Variants in CAPRIN1 observed in about 807,000 individuals in gnomAD.
CAPRIN1 encodes cell cycle associated protein 1.
CAPRIN1 carries 29 observed loss-of-function variants against 100.9 expected under a neutral mutation model. That is an observed-to-expected ratio of 0.29 (90% confidence interval 0.21 to 0.39). The LOEUF is 0.39. CAPRIN1 is among the 10% of genes least tolerant of loss of function. The pLI is 1.00. For missense variants in CAPRIN1, 795 were observed against 876.7 expected, an observed-to-expected ratio of 0.91 and a Z score of 1.18; for synonymous variants, 338 against 307.5, an observed-to-expected ratio of 1.10 and a Z score of -1.04.
chr11:34,082,741 G>T, intron 7 of CAPRIN1, 84 bp from the exon 8 acceptor site: 1 of 907,930 alleles, frequency 1.1e-6, no homozygotes, highest in Non-Finnish European at 1.8e-6. Context: ...GCATAATGAC[G>T]TGTATCTACC....
intron 4 of CAPRIN1, among the ~76,000 whole-genome samples, chr11:34,073,850 A>G (rs1405197698): frequency 6.6e-6 from 1 of 152,220 alleles, no homozygotes; most frequent in Non-Finnish European, 1.5e-5. Flanking sequence ...CTATAATGGA[A>G]TGCCTGAGAC....
chr11:34,085,574 C>T (rs1231838016), intron 9 of CAPRIN1, among the ~76,000 whole-genome samples: 3 of 152,122 alleles, frequency 2.0e-5, no homozygotes, highest in South Asian at 2.1e-4. Context: ...GATGCCAAGG[C>T]GGGTGGGTCA....
intron 14 of CAPRIN1, chr11:34,091,617 T>C (rs1851266685): frequency 4.8e-6 from 1 of 206,518 alleles, no homozygotes; most frequent in East Asian, 1.2e-4. Context: ...ATTTCTCATA[T>C]ATGTAAAAGC....
chr11:34,091,833 A>G lies in CAPRIN1; in HGVS notation c.1555-73A>G, dbSNP rs1030983161. On this transcript the variant is annotated intron_variant, in intron 14 of 18. Coordinates refer to ENST00000341394, the MANE Select transcript of CAPRIN1 (RefSeq NM_005898.5). Reference sequence around the variant, plus strand: ...CTTTATTTATGTCTGAGGTAAAACCACCATTGAGTTTGGCCATGTTATAAA... The same window carrying G: ...CTTTATTTATGTCTGAGGTAAAACCGCCATTGAGTTTGGCCATGTTATAAA... 5.1e-6 allele frequency: 7 copies of G among 1,375,270 alleles called. No homozygotes were observed. In the African/African-American group the frequency reaches 8.7e-5, roughly 17 times the overall value. 85.2% of individuals were successfully genotyped at this position (1,375,270 alleles called of 1,614,324 possible).
intron 2 of CAPRIN1, chr11:34,063,193 T>C (rs998678134): frequency 2.0e-5 from 3 of 152,172 alleles, no homozygotes; most frequent in Non-Finnish European, 2.9e-5. Context: ...ATGGAAGATC[T>C]AGATGTATTG....
At chr11:34,083,188 A>T in intron 9 of CAPRIN1, 147 bp downstream of exon 9, 1 of 625,384 alleles carries the variant, frequency 1.6e-6, no homozygotes, top group Middle Eastern at 2.9e-4. Flanking sequence ...TTACTTCCAA[A>T]AAATGAATGT....
At chr11:34,064,694 A>G (rs1301198261) in intron 2 of CAPRIN1, among the ~76,000 whole-genome samples, 1 of 152,198 alleles carries the variant, frequency 6.6e-6, no homozygotes. Context: ...TCAGCTAAGA[A>G]TGCAAGATTT....
At position 34,071,718 on chromosome 11, in the gene CAPRIN1, T is replaced by A; in HGVS notation, c.217-8T>A. 1 of 1,603,934 alleles carries A rather than the reference T, an allele frequency of 6.2e-7. No individual in the cohort carries two copies. Among genetic ancestry groups the A allele is most frequent in the South Asian group, 1.1e-5 (1 of 90,658 alleles). ...CGGAATGTAATTCTTTTTTTTCTTT[T>A]AACATAGGGTAAGCTTGATGATTAC... On this transcript the variant is annotated splice_polypyrimidine_tract_variant and splice_region_variant and intron_variant, in intron 2 of 18. Coordinates refer to ENST00000341394, the MANE Select transcript of CAPRIN1 (RefSeq NM_005898.5).
At position 34,052,644 on chromosome 11, in the gene CAPRIN1, G is replaced by A; in HGVS notation, c.216+8G>A. Reference sequence around the variant, plus strand: ...AACCTGGAGAAGAAAAAGGTGCCAGGAGTTGGCGGGGAAGGGAGGGGTGGC... The same window carrying A: ...AACCTGGAGAAGAAAAAGGTGCCAGAAGTTGGCGGGGAAGGGAGGGGTGGC... On this transcript the variant is annotated splice_region_variant and intron_variant, in intron 2 of 18. Coordinates refer to ENST00000341394, the MANE Select transcript of CAPRIN1 (RefSeq NM_005898.5). 1 of 1,600,430 alleles carries A rather than the reference G, an allele frequency of 6.2e-7. No individual in the cohort carries two copies. Among genetic ancestry groups the A allele is most frequent in the South Asian group, 1.1e-5 (1 of 89,278 alleles).
chr11:34,097,901 T>G (rs1352276972), intron 18 of CAPRIN1, 140 bp downstream of exon 18: 2 of 1,430,596 alleles, frequency 1.4e-6, no homozygotes. Context: ...ATGCTCTGTT[T>G]CTAAAACTTA....
Position 34,071,795 on chromosome 11 carries a change from A to T in CAPRIN1, c.279+7A>T, listed in dbSNP as rs1328493605. On this transcript the variant is annotated splice_region_variant and intron_variant, in intron 3 of 18. Transcript: ENST00000341394. ...GCTTAATCAAGATCAGCTGGTAAAG[A>T]TGTTATATTTTTTATTTTAGACCTA... The T allele has an allele frequency of 1.4e-6, 2 of 1,462,280 alleles. No homozygotes were observed. The highest frequency in any genetic ancestry group is 1.8e-6 in the Non-Finnish European group (2 of 1,108,706). The allele number at this position is 1,462,280 out of a possible 1,614,324, so 90.6% of individuals were successfully genotyped here. A position where few individuals can be genotyped will look rare whatever the true frequency, so the allele number is the denominator to read the frequency against.
rs541718495 is a variant in CAPRIN1, at chr11:34,066,732, C to T, written c.217-4994C>T. 4.6e-5 allele frequency among the ~76,000 whole-genome samples: 7 copies of T among 151,834 alleles called. No homozygotes were observed. In the East Asian group the frequency reaches 9.7e-4, roughly 21 times the overall value. ...TGATCTTGGCTCACTGCAACCTCCA[C>T]CTCCTGCCTCAGCCTCCCGAGTAGC... On this transcript the variant is annotated intron_variant, in intron 2 of 18. Coordinates refer to ENST00000341394, the MANE Select transcript of CAPRIN1 (RefSeq NM_005898.5).
intron 2 of CAPRIN1, among the ~76,000 whole-genome samples, chr11:34,070,820 A>C (rs1367336238): frequency 6.6e-6 from 1 of 151,936 alleles, no homozygotes; most frequent in Non-Finnish European, 1.5e-5. Context: ...CTCCCGCCTC[A>C]GCCTCCTGAG....
intron 2 of CAPRIN1, among the ~76,000 whole-genome samples, chr11:34,067,114 G>A (rs2134097823): frequency 6.6e-6 from 1 of 152,158 alleles, no homozygotes; most frequent in East Asian, 1.9e-4. Context: ...ATTTTTAGTA[G>A]AGACGAGATT....
At chr11:34,089,527 G>GT in intron 12 of CAPRIN1, 71 bp downstream of exon 12, 1 of 881,010 alleles carries the variant, frequency 1.1e-6, no homozygotes, top group Non-Finnish European at 1.9e-6. Context: ...AGTACTTTAG[G>GT]AGGCTGAGAT....
Position 34,086,139 on chromosome 11 carries a change from G to A in CAPRIN1, c.1042G>A (p.Ala348Thr). The change falls in exon 10 of 19, where the codon GCT (alanine) becomes ACT (threonine). Residue 348 changes from alanine (A) to threonine (T), a missense_variant. This residue lies in a region of CAPRIN1 where 648 missense variants were observed against 697.9 expected (regional missense o/e 0.93). Coordinates refer to ENST00000341394, the MANE Select transcript of CAPRIN1 (RefSeq NM_005898.5). ...AGAGCCCCACTCTTTGACTCCAGTGGCTCAGGCAGATCCCCTTGTGAGAAG... is the reference window on the plus strand; with the variant it reads ...AGAGCCCCACTCTTTGACTCCAGTGACTCAGGCAGATCCCCTTGTGAGAAG... ...VPEPHSLTPV[A>T]QADPLVRRQR... is the part of the protein sequence containing the mutation. The A allele has an allele frequency of 6.2e-7, 1 of 1,614,106 alleles. No homozygotes were observed. Among genetic ancestry groups the A allele is most frequent in the Non-Finnish European group, 8.5e-7 (1 of 1,180,010 alleles).
rs747692892 is a variant in CAPRIN1 at position 34,090,211 on chromosome 11, C to T, written c.1326C>T (p.Tyr442=). Residue 442 remains tyrosine, a synonymous_variant, in exon 13 of 19, where the codon TAC becomes TAT. Transcript: ENST00000341394. The part of the protein sequence containing the change: ...VPLVSSTSEG[Y]TASQPLYQPS... The stretch of plus-strand genomic sequence containing the variant: ...TGGTATCATCCACAAGTGAGGGGTA[C>T]ACAGCATCTCAACCCTTGTACCAGC... The T allele has an allele frequency of 5.6e-6, 9 of 1,613,156 alleles. No individual in the cohort carries two copies. Among genetic ancestry groups the T allele is most frequent in the Non-Finnish European group, 7.6e-6 (9 of 1,179,330 alleles).
chr11:34,052,025 G>A (rs1284963485), intron 1 of CAPRIN1, 154 bp downstream of exon 1: 1 of 96,564 alleles, frequency 1.0e-5, no homozygotes, highest in Non-Finnish European at 2.0e-5. Flanking sequence ...CTGCCCCCAA[G>A]CCCCGACCTC....
chr11:34,058,658 G>A (rs781384123), intron 2 of CAPRIN1, among the ~76,000 whole-genome samples: 3 of 152,134 alleles, frequency 2.0e-5, no homozygotes, highest in Non-Finnish European at 4.4e-5. Flanking sequence ...TGCATTGTCC[G>A]GGTAATGGGG....
Sources: allele counts gnomAD v4.1 joint callset (sites outside exome capture counted in the v4.1 genomes callset), GRCh38; gene constraint gnomAD v4.1.1; regional missense constraint gnomAD v4.1.1; transcripts MANE v1.5; gene names NCBI Gene and HGNC (gene_info 2026-07-23, HGNC 2026-07-21).